Variants in NTN4 observed in about 807,000 individuals in gnomAD.
The protein encoded by NTN4 is netrin-4.
NTN4 carries 32 observed loss-of-function variants against 73.6 expected under a neutral mutation model. The observed-to-expected ratio is 0.44, with a 90% CI of 0.33 to 0.58. The LOEUF is 0.58. Ranked by LOEUF, NTN4 falls within the 20% of genes least tolerant of loss-of-function variation. The probability of loss-of-function intolerance (pLI) is 0.04; values close to 1 mark genes in which losing one functional copy is unlikely to be tolerated. For missense variants in NTN4, 654 were observed against 798.3 expected, an observed-to-expected ratio of 0.82 and a Z score of 2.18; for synonymous variants, 258 against 287.5, an observed-to-expected ratio of 0.90 and a Z score of 1.04.
chr12:95,723,805 C>T (rs1009377581), intron 3 of NTN4, among the ~76,000 whole-genome samples: 1 of 152,196 alleles, frequency 6.6e-6, no homozygotes, highest in African/African-American at 2.4e-5. Context: ...AGCCACTGTG[C>T]CTGGCCTATT....
chr12:95,665,645 G>T, intron 9 of NTN4, 165 bp downstream of exon 9: 2 of 496,220 alleles, frequency 4.0e-6, no homozygotes, highest in Non-Finnish European at 7.1e-6. Flanking sequence ...ATAATTTTTC[G>T]ATGTTAGTTC....
Position 95,775,405 on chromosome 12 carries a change from AAAGGGTCAGGGAATTCCCTTTCCTAGCC to A in NTN4, c.585+11506_585+11533del, listed in dbSNP as rs1365832492. The stretch of plus-strand genomic sequence containing the variant: ...AGGCATCGCCTCACCCAGGAAGCAC[AAAGGGTCAGGGAATTCCCTTTCCTAGCC>A]AAGGGAAGCTGTGACAGATGGCACC... On this transcript the variant is annotated intron_variant, in intron 2 of 9. Transcript: ENST00000343702. Among the ~76,000 whole-genome samples the A allele has an allele frequency of 9.2e-5, 14 of 152,364 alleles. No individual in the cohort carries two copies. In the East Asian group the frequency reaches 2.5e-3, roughly 27 times the overall value.
At chr12:95,760,553 A>G (rs1412146465) in intron 2 of NTN4, among the ~76,000 whole-genome samples, 1 of 151,774 alleles carries the variant, frequency 6.6e-6, no homozygotes. Flanking sequence ...TCTCCTTCCT[A>G]TGTGTTGGCT....
At chr12:95,744,596 A>T (rs2078848508) in intron 2 of NTN4, among the ~76,000 whole-genome samples, 1 of 152,192 alleles carries the variant, frequency 6.6e-6, no homozygotes. Flanking sequence ...GTTGTCATCC[A>T]TATTACCTCT....
chr12:95,770,988 A>ATTTTTTTTTTTTT lies in NTN4; in HGVS notation c.585+15950_585+15951insAAAAAAAAAAAAA, dbSNP rs1460848065. 2.8e-3 allele frequency among the ~76,000 whole-genome samples: 163 copies of ATTTTTTTTTTTTT among 58,046 alleles called. 9 individuals are homozygous for ATTTTTTTTTTTTT. The highest frequency in any genetic ancestry group is 6.8e-3 in the African/African-American group (156 of 22,842). 38.1% of individuals were successfully genotyped at this position (58,046 alleles called of 152,430 possible). A position where few individuals can be genotyped will look rare whatever the true frequency, so the allele number is the denominator to read the frequency against. ...GCAAGATGAACCATCCAGGAAAAGA[A>ATTTTTTTTTTTTT]TTTGTTTTTTTTTTTTTTTGAGACA... On this transcript the variant is annotated intron_variant, in intron 2 of 9. Transcript: ENST00000343702.
intron 3 of NTN4, among the ~76,000 whole-genome samples, chr12:95,723,960 C>A (rs1480626844): frequency 6.6e-6 from 1 of 152,046 alleles, no homozygotes. Flanking sequence ...AGAGTCATGA[C>A]CTTTCTTTTT....
At position 95,790,333 on chromosome 12, in the gene NTN4, C is replaced by T. The variant is rs530202238; in HGVS notation, c.-24G>A. On this transcript the variant is annotated 5_prime_UTR_variant, in exon 1 of 10. Coordinates refer to ENST00000343702, the MANE Select transcript of NTN4 (RefSeq NM_021229.4). The surrounding 1 kb of genome is among the most constrained non-coding windows in gnomAD (Gnocchi z 6.5). ...ATGGCCGGGAGGAGCCGGGAGCAGCCGGGCCGGGCGGGTGCCGGAGGGAGC... is the reference window on the plus strand; with the variant it reads ...ATGGCCGGGAGGAGCCGGGAGCAGCTGGGCCGGGCGGGTGCCGGAGGGAGC... The T allele has an allele frequency of 3.4e-4, 519 of 1,519,242 alleles. 3 individuals are homozygous for T. The African/African-American group carries it at 6.6e-3, about 19-fold the overall frequency. The allele number at this position is 1,519,242 out of a possible 1,614,324, so 94.1% of individuals were successfully genotyped here.
At chr12:95,683,990 C>T (rs576940244) in intron 5 of NTN4, among the ~76,000 whole-genome samples, 7 of 151,950 alleles carry the variant, frequency 4.6e-5, no homozygotes, top group South Asian at 2.1e-4. Context: ...GTGATGAGGA[C>T]GAACCAGCAA....
At chr12:95,686,312 G>A (rs2078360628) in intron 5 of NTN4, among the ~76,000 whole-genome samples, 2 of 152,172 alleles carry the variant, frequency 1.3e-5, no homozygotes, top group South Asian at 4.1e-4. Flanking sequence ...CATGTGATGT[G>A]CTGTAACAGA....
At chr12:95,685,217 T>C (rs2078352597) in intron 5 of NTN4, among the ~76,000 whole-genome samples, 1 of 152,224 alleles carries the variant, frequency 6.6e-6, no homozygotes, top group Non-Finnish European at 1.5e-5. Flanking sequence ...AATAATAATA[T>C]TTCTCACAGT....
At chr12:95,706,245 C>T (rs2078521022) in intron 5 of NTN4, among the ~76,000 whole-genome samples, 1 of 152,020 alleles carries the variant, frequency 6.6e-6, no homozygotes, top group African/African-American at 2.4e-5. Flanking sequence ...GACCTTTTTA[C>T]ATTTAGTAAG....
At chr12:95,772,867 C>T (rs991317852) in intron 2 of NTN4, among the ~76,000 whole-genome samples, 3 of 152,124 alleles carry the variant, frequency 2.0e-5, no homozygotes, top group Non-Finnish European at 4.4e-5. Context: ...AAATGGTCCC[C>T]CTGCCTCTTC....
intron 2 of NTN4, among the ~76,000 whole-genome samples, chr12:95,774,753 A>G (rs1450114165): frequency 6.6e-6 from 1 of 152,230 alleles, no homozygotes; most frequent in African/African-American, 2.4e-5. Flanking sequence ...GGATCTTGAA[A>G]GGCATATTAT....
chr12:95,778,223 T>C (rs1262845605), intron 2 of NTN4, among the ~76,000 whole-genome samples: 3 of 152,012 alleles, frequency 2.0e-5, no homozygotes, highest in Non-Finnish European at 4.4e-5. Flanking sequence ...ATATCTAAAA[T>C]TGACACCCTA....
chr12:95,790,378 G>C lies in NTN4; in HGVS notation c.-69C>G. On this transcript the variant is annotated 5_prime_UTR_variant, in exon 1 of 10. It adds an upstream start codon to the 5' untranslated region. Transcript: ENST00000343702. The surrounding 1 kb of genome is among the most constrained non-coding windows in gnomAD (Gnocchi z 6.5). ...GGGAGCCGAGACCTCTGGGCTGCGG[G>C]ATGAAGCGCCGCCGTCCTCGGGAGG... 1.5e-6 allele frequency: 2 copies of C among 1,317,742 alleles called. No individual in the cohort carries two copies. Among genetic ancestry groups the C allele is most frequent in the South Asian group, 1.4e-5 (1 of 68,984 alleles). The allele number at this position is 1,317,742 out of a possible 1,614,324, so 81.6% of individuals were successfully genotyped here.
chr12:95,673,251 C>T (rs1018917032), intron 7 of NTN4: 6 of 382,158 alleles, frequency 1.6e-5, no homozygotes, highest in Non-Finnish European at 2.5e-5. Context: ...CCACTCCCTT[C>T]ATTCATTCTA....
intron 5 of NTN4, among the ~76,000 whole-genome samples, chr12:95,709,272 G>A (rs2078544497): frequency 6.6e-6 from 1 of 152,140 alleles, no homozygotes; most frequent in Non-Finnish European, 1.5e-5. Context: ...GGGAAAGGAA[G>A]GGCATGATCA....
At chr12:95,681,048 G>A (rs1293592953) in intron 7 of NTN4, among the ~76,000 whole-genome samples, 1 of 151,982 alleles carries the variant, frequency 6.6e-6, no homozygotes, top group Admixed American at 6.6e-5. Flanking sequence ...AATTAGCCAG[G>A]TGTGGTGGTG....
At chr12:95,776,109 T>A (rs2079090409) in intron 2 of NTN4, among the ~76,000 whole-genome samples, 1 of 152,116 alleles carries the variant, frequency 6.6e-6, no homozygotes. Flanking sequence ...TCCTGACTGT[T>A]AGAAGGAAAG....
Sources: gnomAD v4.1 joint callset for allele counts (sites outside exome capture counted in the v4.1 genomes callset) on GRCh38, gnomAD v4.1.1 for gene constraint, Gnocchi (gnomAD v3.1) non-coding constraint, MANE v1.5 for transcripts, NCBI Gene and HGNC (gene_info 2026-07-23, HGNC 2026-07-21) for gene names.